The following SCRG1 variants were observed in gnomAD, a reference collection of about 807,000 sequenced individuals.
SCRG1 encodes the protein stimulator of chondrogenesis 1.
SCRG1 carries 3 observed loss-of-function variants against 7.7 expected under a neutral mutation model. The observed-to-expected ratio is 0.39, with a 90% CI of 0.18 to 1.01. The LOEUF is 1.01. SCRG1 is among the 50% of genes least tolerant of loss of function. SCRG1 has a pLI of 0.36. For synonymous variants in SCRG1, 46 were observed against 41.2 expected, an observed-to-expected ratio of 1.12 and a Z score of -0.44; for missense variants, 110 against 117.2, an observed-to-expected ratio of 0.94 and a Z score of 0.28.
At chr4:173,484,475 A>T in the SCRG1 span, among the ~76,000 whole-genome samples, 1 of 14,970 alleles carries the variant, frequency 6.7e-5, no homozygotes, top group African/African-American at 1.8e-4. Flanking sequence ...TATAATATAT[A>T]ATATATATTA....
chr4:173,423,862 A>G, the SCRG1 span, among the ~76,000 whole-genome samples: 1 of 152,182 alleles, frequency 6.6e-6, no homozygotes, highest in Non-Finnish European at 1.5e-5. Flanking sequence ...CTGCTCAGCC[A>G]TTGATGAGGG....
At chr4:173,507,207 GT>G in the SCRG1 span, among the ~76,000 whole-genome samples, 1 of 151,964 alleles carries the variant, frequency 6.6e-6, no homozygotes. This position sits in a 1 kb window ranked among gnomAD's most constrained non-coding sequence, Gnocchi z 4.4. Flanking sequence ...CTGTTTGTTT[GT>G]TTGTTTGTTT....
the SCRG1 span, among the ~76,000 whole-genome samples, chr4:173,450,879 G>T: frequency 6.6e-6 from 1 of 152,054 alleles, no homozygotes; most frequent in Non-Finnish European, 1.5e-5. Flanking sequence ...GAGGGGAAAG[G>T]CCTGACCCAG....
chr4:173,457,214 C>T, the SCRG1 span, among the ~76,000 whole-genome samples: 16,604 of 152,194 alleles, frequency 0.11, 967 homozygotes, highest in African/African-American at 0.13. Flanking sequence ...CCACAAAGCA[C>T]GGTCATGCCC....
At chr4:173,482,659 A>T in the SCRG1 span, among the ~76,000 whole-genome samples, 1 of 151,710 alleles carries the variant, frequency 6.6e-6, no homozygotes, top group African/African-American at 2.4e-5. Context: ...CTCTACAAAA[A>T]ATTGAAAACT....
chr4:173,494,616 A>G, the SCRG1 span, among the ~76,000 whole-genome samples: 7 of 152,166 alleles, frequency 4.6e-5, no homozygotes, highest in African/African-American at 1.7e-4. Context: ...GCTGAAGAGG[A>G]GCCCGCGCCC....
the SCRG1 span, among the ~76,000 whole-genome samples, chr4:173,447,523 A>G: frequency 2.6e-5 from 4 of 152,224 alleles, no homozygotes; most frequent in Admixed American, 6.5e-5. Context: ...TTTTAATGAA[A>G]CAGGAACGCA....
chr4:173,409,463 G>A (rs1197452249), upstream of SCRG1, among the ~76,000 whole-genome samples: 1 of 152,030 alleles, frequency 6.6e-6, no homozygotes. Flanking sequence ...TTGCTCCCAT[G>A]AAACTATTTG....
the SCRG1 span, among the ~76,000 whole-genome samples, chr4:173,414,140 C>A: frequency 1.1e-3 from 173 of 152,278 alleles, no homozygotes; most frequent in Middle Eastern, 0.01. Flanking sequence ...AAAATCCTCT[C>A]TTGGGACCTG....
At chr4:173,518,965 G>T in the SCRG1 span, among the ~76,000 whole-genome samples, 1 of 150,158 alleles carries the variant, frequency 6.7e-6, no homozygotes, top group South Asian at 2.1e-4. Context: ...CCTGTCCGCC[G>T]CGCCCCTACC....
At chr4:173,444,825 T>A in the SCRG1 span, among the ~76,000 whole-genome samples, 1 of 152,122 alleles carries the variant, frequency 6.6e-6, no homozygotes, top group Non-Finnish European at 1.5e-5. Flanking sequence ...GCTGAGAGAA[T>A]CTCCGAGAAG....
the SCRG1 span, among the ~76,000 whole-genome samples, chr4:173,465,877 A>G: frequency 1.3e-5 from 2 of 151,950 alleles, no homozygotes; most frequent in African/African-American, 4.8e-5. Flanking sequence ...GACATGCAAT[A>G]TTTGTCTTTC....
the SCRG1 span, among the ~76,000 whole-genome samples, chr4:173,502,979 C>A: frequency 4.6e-5 from 7 of 152,174 alleles, no homozygotes; most frequent in Non-Finnish European, 1.0e-4. This position sits in a 1 kb window ranked among gnomAD's most constrained non-coding sequence, Gnocchi z 4.6. Context: ...CACAGTGGGA[C>A]TCACGAAGAA....
the SCRG1 span, among the ~76,000 whole-genome samples, chr4:173,485,652 C>G: frequency 6.6e-6 from 1 of 152,082 alleles, no homozygotes; most frequent in Non-Finnish European, 1.5e-5. Flanking sequence ...AGATTATGAA[C>G]TACTACTGAA....
At chr4:173,426,864 C>G in the SCRG1 span, among the ~76,000 whole-genome samples, 1 of 152,198 alleles carries the variant, frequency 6.6e-6, no homozygotes, top group African/African-American at 2.4e-5. Flanking sequence ...TTACTTTGAT[C>G]TCTCCCTGGT....
chr4:173,391,534 T>C (rs1739445502), intron 1 of SCRG1, 106 bp from the exon 2 acceptor site: 1 of 1,121,418 alleles, frequency 8.9e-7, no homozygotes, highest in African/African-American at 1.6e-5. Context: ...ATAGAAAGAA[T>C]GGGAGTTGGG....
chr4:173,511,316 G>A, the SCRG1 span, among the ~76,000 whole-genome samples: 1 of 152,158 alleles, frequency 6.6e-6, no homozygotes, highest in Non-Finnish European at 1.5e-5. The surrounding 1 kb of genome is among the most constrained non-coding windows in gnomAD (Gnocchi z 5.2). Flanking sequence ...TTGGAGTGGA[G>A]TGAAGACGTT....
the SCRG1 span, among the ~76,000 whole-genome samples, chr4:173,461,944 A>G: frequency 6.6e-6 from 1 of 152,168 alleles, no homozygotes; most frequent in Admixed American, 6.5e-5. Context: ...AATGTATCAA[A>G]CCCCTTTAAT....
At chr4:173,483,184 TATATATG>T in the SCRG1 span, among the ~76,000 whole-genome samples, 25 of 27,746 alleles carry the variant, frequency 9.0e-4, no homozygotes, top group East Asian at 6.8e-3. Flanking sequence ...TATAATATAT[TATATATG>T]ATATATATTA....
Sources: allele counts gnomAD v4.1 joint callset (sites outside exome capture counted in the v4.1 genomes callset), GRCh38; gene constraint gnomAD v4.1.1; non-coding constraint Gnocchi (gnomAD v3.1); transcripts MANE v1.5; gene names NCBI Gene and HGNC (gene_info 2026-07-23, HGNC 2026-07-21).